CNTN6: variants seen among roughly 807,000 people sequenced by gnomAD.
CNTN6 encodes the protein contactin-6.
Under a neutral mutation model 122.8 loss-of-function variants are expected in CNTN6, and 137 were observed. The observed-to-expected ratio is 1.12, with a 90% CI of 0.97 to 1.29. CNTN6 has a LOEUF of 1.29. Ranked by LOEUF, CNTN6 falls within the 50% of genes most tolerant of loss-of-function variation. The pLI, the probability that CNTN6 is intolerant of heterozygous loss-of-function variation, is 0.00. For missense variants in CNTN6, 1,634 were observed against 1,223.4 expected (o/e 1.34, Z -5.01); for synonymous variants, 570 against 426.0 (o/e 1.34, Z -4.16).
intron 8 of CNTN6, 45 bp downstream of exon 8, chr3:1,321,879 C>A: frequency 6.9e-7 from 1 of 1,450,238 alleles, no homozygotes; most frequent in Non-Finnish European, 9.4e-7. Context: ...TTTGGTAATG[C>A]CCTTCATAAT....
chr3:1,212,990 T>C (rs947786891), intron 2 of CNTN6, among the ~76,000 whole-genome samples: 1 of 152,196 alleles, frequency 6.6e-6, no homozygotes, highest in African/African-American at 2.4e-5. Context: ...AGACCTAACT[T>C]CTGTGTCTTT....
At chr3:1,137,356 A>C (rs1036360217) in intron 1 of CNTN6, among the ~76,000 whole-genome samples, 9 of 152,244 alleles carry the variant, frequency 5.9e-5, no homozygotes, top group Admixed American at 2.0e-4. Context: ...AAATTTTCAG[A>C]TAATTAATGA....
rs371095327 is a variant in CNTN6 at position 1,398,408 on chromosome 3, C to A, written c.2705-3025C>A. 1.4e-4 allele frequency among the ~76,000 whole-genome samples: 21 copies of A among 152,250 alleles called. No individual in the cohort carries two copies. In the East Asian group the frequency reaches 1.9e-3, roughly 14 times the overall value. Reference sequence around the variant, plus strand: ...CTAAGATAATTAGCTGAGACTCTCCCATTTTATCTCCCTTTCTAAAAACAT... The same window carrying A: ...CTAAGATAATTAGCTGAGACTCTCCAATTTTATCTCCCTTTCTAAAAACAT... On this transcript the variant is annotated intron_variant, in intron 20 of 22. Transcript: ENST00000446702.
At chr3:1,224,364 G>A (rs1256446142) in intron 3 of CNTN6, among the ~76,000 whole-genome samples, 1 of 151,998 alleles carries the variant, frequency 6.6e-6, no homozygotes, top group Non-Finnish European at 1.5e-5. Context: ...ACAGTAGAGG[G>A]ATTATACTCA....
chr3:1,186,981 T>C (rs2093636918), intron 2 of CNTN6, among the ~76,000 whole-genome samples: 1 of 151,980 alleles, frequency 6.6e-6, no homozygotes, highest in Admixed American at 6.6e-5. Context: ...AAAAGAGAAG[T>C]TGAGAAATGC....
intron 11 of CNTN6, among the ~76,000 whole-genome samples, chr3:1,336,689 G>T (rs1308337133): frequency 1.3e-5 from 2 of 152,090 alleles, no homozygotes; most frequent in Non-Finnish European, 2.9e-5. Context: ...TGTACCTTGT[G>T]GGAAAGAGTG....
intron 20 of CNTN6, among the ~76,000 whole-genome samples, chr3:1,388,576 G>C (rs1036668815): frequency 1.9e-3 from 289 of 150,482 alleles, no homozygotes; most frequent in African/African-American, 6.6e-3. Context: ...TGACTTTGAC[G>C]AGCTGAGAGA....
intron 7 of CNTN6, among the ~76,000 whole-genome samples, chr3:1,317,888 T>TAA (rs76953561): frequency 0.033 from 4,273 of 130,690 alleles, 106 homozygotes; most frequent in South Asian, 0.06. Context: ...AAATGCAGGT[T>TAA]AAAAAAAAAA....
At chr3:1,222,804 G>C (rs1410756681) in intron 3 of CNTN6, among the ~76,000 whole-genome samples, 1 of 151,774 alleles carries the variant, frequency 6.6e-6, no homozygotes, top group Non-Finnish European at 1.5e-5. Context: ...TCATCATCCA[G>C]GCACTAACCC....
intron 7 of CNTN6, among the ~76,000 whole-genome samples, chr3:1,311,277 ACAT>A (rs1231624288): frequency 6.8e-5 from 10 of 146,436 alleles, no homozygotes; most frequent in African/African-American, 1.7e-4. Context: ...ATATATACAT[ACAT>A]ATTTATATAT....
intron 4 of CNTN6, among the ~76,000 whole-genome samples, chr3:1,248,328 T>C (rs941426252): frequency 7.2e-5 from 11 of 152,256 alleles, no homozygotes; most frequent in African/African-American, 2.7e-4. Flanking sequence ...TTTCAAGTTC[T>C]GTGATGTTGA....
intron 1 of CNTN6, among the ~76,000 whole-genome samples, chr3:1,139,041 G>T (rs1365740254): frequency 6.6e-6 from 1 of 152,072 alleles, no homozygotes; most frequent in Non-Finnish European, 1.5e-5. Flanking sequence ...TAGCCCAGGG[G>T]TGGGAAAACT....
chr3:1,200,088 G>A lies in CNTN6; in HGVS notation c.56-20599G>A, dbSNP rs149575400. Among the ~76,000 whole-genome samples the A allele has an allele frequency of 2.8e-3, 430 of 151,732 alleles. 1 individual carries two copies. The highest frequency in any genetic ancestry group is 0.01 in the Middle Eastern group (3 of 290). On this transcript the variant is annotated intron_variant, in intron 2 of 22. Coordinates refer to ENST00000446702, the MANE Select transcript of CNTN6 (RefSeq NM_001289080.2). The stretch of plus-strand genomic sequence containing the variant: ...TATATATTTTTTAAGATGAAGTCTC[G>A]CTCTGTTGCTGAGGCTGTCACTGCA...
intron 5 of CNTN6, among the ~76,000 whole-genome samples, chr3:1,286,644 G>A (rs1368214533): frequency 6.6e-6 from 1 of 152,076 alleles, no homozygotes; most frequent in African/African-American, 2.4e-5. Flanking sequence ...ATCATTGATG[G>A]GCATTTGTGG....
intron 4 of CNTN6, among the ~76,000 whole-genome samples, chr3:1,233,536 C>A (rs6808276): frequency 0.38 from 56,738 of 151,252 alleles, 13,120 homozygotes; most frequent in African/African-American, 0.66. Flanking sequence ...GAGTTTGAGA[C>A]CAGCCTGGCC....
At chr3:1,158,899 T>TAC (rs1215687212) in intron 2 of CNTN6, among the ~76,000 whole-genome samples, 31 of 129,816 alleles carry the variant, frequency 2.4e-4, no homozygotes, top group East Asian at 2.2e-3. Flanking sequence ...CACATATATA[T>TAC]ACACATATAT....
intron 11 of CNTN6, among the ~76,000 whole-genome samples, chr3:1,339,780 G>A (rs1450572966): frequency 2.0e-5 from 3 of 151,922 alleles, no homozygotes; most frequent in Non-Finnish European, 4.4e-5. Context: ...GCAAGTAAAG[G>A]GTACTCAAAT....
intron 12 of CNTN6, among the ~76,000 whole-genome samples, chr3:1,369,336 T>G (rs1036544544): frequency 6.6e-6 from 1 of 151,860 alleles, no homozygotes; most frequent in Non-Finnish European, 1.5e-5. Flanking sequence ...TTGTAGACGT[T>G]CATCTCTGTG....
At position 1,198,585 on chromosome 3, in the gene CNTN6, G is replaced by T. The variant is rs193040684; in HGVS notation, c.56-22102G>T. Among the ~76,000 whole-genome samples the T allele has an allele frequency of 8.5e-4, 129 of 152,238 alleles. 1 individual carries two copies. The highest frequency in any genetic ancestry group is 3.4e-3 in the Middle Eastern group (1 of 294). On this transcript the variant is annotated intron_variant, in intron 2 of 22. Transcript: ENST00000446702. The stretch of plus-strand genomic sequence containing the variant: ...TAAAAATACAAAATTAGCCAGTCAT[G>T]GGGGTGCATGCTTGTAATCCCTGCT...
Sources: gnomAD v4.1 joint callset for allele counts (sites outside exome capture counted in the v4.1 genomes callset) on GRCh38, gnomAD v4.1.1 for gene constraint, MANE v1.5 for transcripts, NCBI Gene and HGNC (gene_info 2026-07-23, HGNC 2026-07-21) for gene names.